Variants in NUP93 observed in about 807,000 individuals in gnomAD.
NUP93 encodes nuclear pore complex protein Nup93.
In NUP93, 55 loss-of-function variants were observed where a neutral mutation model predicts 107.8. The observed-to-expected ratio is 0.51, with a 90% CI of 0.41 to 0.64. The LOEUF is 0.64. Among genes scored for constraint, NUP93 ranks in the 30% least tolerant of loss-of-function variants. The pLI is 0.00. For synonymous variants in NUP93, 390 were observed against 397.5 expected, an observed-to-expected ratio of 0.98 and a Z score of 0.22; for missense variants, 937 against 1,044.7, an observed-to-expected ratio of 0.90 and a Z score of 1.42.
intron 3 of NUP93, among the ~76,000 whole-genome samples, chr16:56,789,087 C>G (rs951616423): frequency 6.6e-6 from 1 of 151,986 alleles, no homozygotes; most frequent in African/African-American, 2.4e-5. Flanking sequence ...TTTGGATAGA[C>G]TTACATTAGT....
chr16:56,828,406 T>TA (rs1320665206), intron 8 of NUP93, among the ~76,000 whole-genome samples: 1 of 152,160 alleles, frequency 6.6e-6, no homozygotes, highest in Non-Finnish European at 1.5e-5. Flanking sequence ...ATCATAATGA[T>TA]ACTGAGGTTA....
At chr16:56,822,264 C>A (rs1418841664) in intron 7 of NUP93, among the ~76,000 whole-genome samples, 1 of 151,874 alleles carries the variant, frequency 6.6e-6, no homozygotes, top group Non-Finnish European at 1.5e-5. Flanking sequence ...GTAACCCTAG[C>A]ACGTTTTGAG....
At chr16:56,731,400 C>G (rs1264029164) in intron 1 of NUP93, among the ~76,000 whole-genome samples, 3 of 151,286 alleles carry the variant, frequency 2.0e-5, no homozygotes, top group Admixed American at 6.6e-5. Flanking sequence ...TCTTTTCTTT[C>G]CTTTTTTTTT....
At chr16:56,843,641 G>A (rs1438642285) in intron 21 of NUP93, among the ~76,000 whole-genome samples, 1 of 152,176 alleles carries the variant, frequency 6.6e-6, no homozygotes, top group Non-Finnish European at 1.5e-5. Context: ...CACTTCTAAA[G>A]AAAATACAGT....
intron 3 of NUP93, among the ~76,000 whole-genome samples, chr16:56,794,146 A>T (rs1962835935): frequency 6.6e-6 from 1 of 152,142 alleles, no homozygotes; most frequent in Non-Finnish European, 1.5e-5. Context: ...TATTATTTTT[A>T]AAAATATTTT....
rs780856607 is a variant in NUP93 at position 56,834,737 on chromosome 16, G to A, written c.1741G>A (p.Asp581Asn). The A allele has an allele frequency of 1.5e-5, 24 of 1,611,408 alleles. No homozygotes were observed. The highest frequency in any genetic ancestry group is 1.6e-4 in the Middle Eastern group (1 of 6,076). ...SELVIESREF[D>N]MILGKLENDG... is the part of the protein sequence containing the mutation. Reference sequence around the variant, plus strand: ...GTAAACTTTTTTCCTTCCACAGTTCGATATGATTCTTGGGAAACTAGAGAA... The same window carrying A: ...GTAAACTTTTTTCCTTCCACAGTTCAATATGATTCTTGGGAAACTAGAGAA... The change falls in exon 16 of 22, where the codon GAT becomes AAT. Residue 581 changes from aspartate (D) to asparagine (N), a missense_variant. Transcript: ENST00000308159.
At chr16:56,828,925 G>A in intron 8 of NUP93, 52 bp from the exon 9 acceptor site, 1 of 1,580,370 alleles carries the variant, frequency 6.3e-7, no homozygotes, top group African/African-American at 1.3e-5. Flanking sequence ...GCATAGAGAT[G>A]TGTAATAAAT....
At chr16:56,793,106 C>T (rs984076592) in intron 3 of NUP93, among the ~76,000 whole-genome samples, 3 of 152,256 alleles carry the variant, frequency 2.0e-5, no homozygotes, top group South Asian at 4.1e-4. Flanking sequence ...CAGTGTCTGG[C>T]CCTTAATTGC....
At chr16:56,789,855 T>C (rs1478764779) in intron 3 of NUP93, among the ~76,000 whole-genome samples, 1 of 152,172 alleles carries the variant, frequency 6.6e-6, no homozygotes, top group Non-Finnish European at 1.5e-5. Flanking sequence ...TTCCTGCACT[T>C]TGGGAGGCCG....
At chr16:56,765,217 A>G in intron 3 of NUP93, among the ~76,000 whole-genome samples, 1 of 152,382 alleles carries the variant, frequency 6.6e-6, no homozygotes, top group East Asian at 1.9e-4. Flanking sequence ...TTCACATAAT[A>G]TAAAAATATA....
At chr16:56,831,260 C>T (rs1259994387) in intron 10 of NUP93, among the ~76,000 whole-genome samples, 2 of 152,086 alleles carry the variant, frequency 1.3e-5, no homozygotes, top group Non-Finnish European at 2.9e-5. Context: ...TATATATGTA[C>T]ATGTATGTAG....
intron 3 of NUP93, among the ~76,000 whole-genome samples, chr16:56,785,469 C>T (rs918150901): frequency 7.2e-5 from 11 of 152,158 alleles, no homozygotes; most frequent in Non-Finnish European, 8.8e-5. Flanking sequence ...CTTCAGTTTT[C>T]TCATGAAATT....
chr16:56,832,232 A>C, intron 11 of NUP93, 63 bp from the exon 12 acceptor site: 1 of 1,403,134 alleles, frequency 7.1e-7, no homozygotes, highest in Non-Finnish European at 1.0e-6. Context: ...AACAGCTACA[A>C]CTCTGTGCAT....
At chr16:56,800,461 T>C (rs567935725) in intron 4 of NUP93, among the ~76,000 whole-genome samples, 1 of 152,314 alleles carries the variant, frequency 6.6e-6, no homozygotes, top group East Asian at 1.9e-4. Flanking sequence ...CATTGTGCCA[T>C]ACTGAGACTA....
chr16:56,836,395 G>A (rs1182072327), intron 16 of NUP93, among the ~76,000 whole-genome samples: 1 of 152,170 alleles, frequency 6.6e-6, no homozygotes, highest in Non-Finnish European at 1.5e-5. Context: ...CCTTTCATGT[G>A]TAGTTTCCTT....
At chr16:56,739,900 G>T (rs1173838107) in intron 1 of NUP93, among the ~76,000 whole-genome samples, 7 of 56,856 alleles carry the variant, frequency 1.2e-4, no homozygotes, top group Non-Finnish European at 2.2e-4. Flanking sequence ...GCGGGGGGCT[G>T]ACCCCCCCAC....
chr16:56,764,204 T>C (rs1311427813), intron 3 of NUP93, among the ~76,000 whole-genome samples: 1 of 152,154 alleles, frequency 6.6e-6, no homozygotes, highest in Non-Finnish European at 1.5e-5. Flanking sequence ...TAAAAATGAA[T>C]CAATGGCCGG....
intron 3 of NUP93, among the ~76,000 whole-genome samples, chr16:56,784,826 A>T (rs1233632310): frequency 1.3e-5 from 2 of 152,154 alleles, no homozygotes; most frequent in African/African-American, 2.4e-5. Context: ...CTCTTGTTGC[A>T]CTAGCTCCTG....
At chr16:56,738,577 A>T (rs903619352) in intron 1 of NUP93, among the ~76,000 whole-genome samples, 2 of 152,198 alleles carry the variant, frequency 1.3e-5, no homozygotes, top group African/African-American at 4.8e-5. Flanking sequence ...TTAGTCTCAC[A>T]GGGCTGTAAA....
Sources: allele counts gnomAD v4.1 joint callset (sites outside exome capture counted in the v4.1 genomes callset), GRCh38; gene constraint gnomAD v4.1.1; transcripts MANE v1.5; gene names NCBI Gene and HGNC (gene_info 2026-07-23, HGNC 2026-07-21).